The following ABCC1 variants were observed in gnomAD, a reference collection of about 807,000 sequenced individuals.
ABCC1 encodes multidrug resistance-associated protein 1.
ABCC1 carries 83 observed loss-of-function variants against 172.9 expected under a neutral mutation model. The observed-to-expected ratio is 0.48, with a 90% confidence interval of 0.40 to 0.58. The LOEUF is 0.58. ABCC1 is among the 20% of genes least tolerant of loss of function. The probability of loss-of-function intolerance (pLI) is 0.00; values close to 1 mark genes in which losing one functional copy is unlikely to be tolerated. For synonymous variants in ABCC1, 937 were observed against 825.2 expected (o/e 1.14, Z -2.32); for missense variants, 1,817 against 2,002.7 (o/e 0.91, Z 1.77).
At chr16:16,053,330 G>C (rs2049509443) in intron 11 of ABCC1, among the ~76,000 whole-genome samples, 1 of 152,002 alleles carries the variant, frequency 6.6e-6, no homozygotes, top group East Asian at 1.9e-4. Flanking sequence ...TGTTGCCCAG[G>C]CTGGTCTCAA....
Position 16,134,532 on chromosome 16 carries a change from G to A in ABCC1, c.4125+24G>A, listed in dbSNP as rs771981435. The A allele has an allele frequency of 3.1e-6, 5 of 1,613,406 alleles. No homozygotes were observed. In the Admixed American group the frequency reaches 8.3e-5, roughly 27 times the overall value. ...AGGTGGGGTCTGGGTGTGGCCCAGG[G>A]GGTGAGCCAGAGCTGGCAAGCCCTA... is the stretch of plus-strand genomic sequence containing the variant. On this transcript the variant is annotated intron_variant, in intron 28 of 30. Transcript: ENST00000399410.
rs45485692 is a variant in ABCC1 at position 16,123,106 on chromosome 16, G to A, written c.3590+932G>A. On this transcript the variant is annotated intron_variant, in intron 24 of 30. Transcript: ENST00000399410. ...GTCTTACACACTCTAATCCCATAGC[G>A]TAAGTCTGGGTGGGCTAACCCTGAA... is the stretch of plus-strand genomic sequence containing the variant. 4.9e-3 allele frequency among the ~76,000 whole-genome samples: 751 copies of A among 152,190 alleles called. 10 individuals are homozygous for A. Among genetic ancestry groups the A allele is most frequent in the African/African-American group, 0.017 (721 of 41,522 alleles).
intron 12 of ABCC1, among the ~76,000 whole-genome samples, chr16:16,067,948 C>T (rs1408982574): frequency 2.0e-5 from 3 of 152,154 alleles, no homozygotes; most frequent in South Asian, 2.1e-4. Context: ...GGCTCCCGGT[C>T]GTTGATTTAT....
intron 10 of ABCC1, among the ~76,000 whole-genome samples, chr16:16,051,529 G>A (rs1054148119): frequency 2.6e-5 from 4 of 152,098 alleles, no homozygotes; most frequent in African/African-American, 4.8e-5. Context: ...CACATGGGGC[G>A]GTGTTCAAGA....
chr16:15,952,551 A>G (rs938576562), intron 1 of ABCC1, among the ~76,000 whole-genome samples: 3 of 151,952 alleles, frequency 2.0e-5, no homozygotes, highest in Admixed American at 1.3e-4. Flanking sequence ...TGGGAAGAGA[A>G]AAGGAGAACT....
chr16:16,038,514 T>G (rs888708446), intron 7 of ABCC1, among the ~76,000 whole-genome samples: 1 of 152,160 alleles, frequency 6.6e-6, no homozygotes, highest in African/African-American at 2.4e-5. Flanking sequence ...CTCTGACTTT[T>G]TGTTGTGTCC....
At chr16:16,065,402 A>G (rs2050073758) in intron 12 of ABCC1, among the ~76,000 whole-genome samples, 2 of 152,114 alleles carry the variant, frequency 1.3e-5, no homozygotes, top group African/African-American at 4.8e-5. Context: ...CTAGGACTAC[A>G]GGTGCATGCC....
intron 10 of ABCC1, 72 bp from the exon 11 acceptor site, chr16:16,052,652 A>G (rs2151904343): frequency 6.8e-7 from 1 of 1,469,914 alleles, no homozygotes; most frequent in Non-Finnish European, 9.5e-7. Flanking sequence ...GGATGGATCA[A>G]CCGGGGAAGC....
rs35224183 is a variant in ABCC1 at position 16,141,122 on chromosome 16, G to C, written c.4488-51G>C. The stretch of plus-strand genomic sequence containing the variant: ...CCCAGGTCAGTTGTCCCAGGGGCAC[G>C]AGGTGCTCACCCCTCCCCTTCCCCT... On this transcript the variant is annotated intron_variant, in intron 30 of 30. Coordinates refer to ENST00000399410, the MANE Select transcript of ABCC1 (RefSeq NM_004996.4). 2,022 of 1,551,358 alleles carry C rather than the reference G, an allele frequency of 1.3e-3. 22 individuals are homozygous for C. In the South Asian group the frequency reaches 0.013, roughly 10 times the overall value.
intron 26 of ABCC1, among the ~76,000 whole-genome samples, chr16:16,129,952 C>T (rs1412068309): frequency 2.0e-5 from 3 of 152,244 alleles, no homozygotes; most frequent in East Asian, 3.8e-4. Context: ...ATGTGCTCTG[C>T]AGCCTGGTTC....
At chr16:16,118,953 G>A (rs1488725692) in intron 23 of ABCC1, among the ~76,000 whole-genome samples, 2 of 147,600 alleles carry the variant, frequency 1.4e-5, no homozygotes, top group African/African-American at 2.5e-5. Flanking sequence ...ATTCATAATC[G>A]CCCAAACTGG....
intron 1 of ABCC1, among the ~76,000 whole-genome samples, chr16:16,004,122 A>G (rs2047429207): frequency 6.6e-6 from 1 of 151,936 alleles, no homozygotes; most frequent in African/African-American, 2.4e-5. Context: ...TATGATAGGG[A>G]GGACTGGCTG....
chr16:16,051,762 A>G (rs1292025567), intron 10 of ABCC1, among the ~76,000 whole-genome samples: 1 of 152,054 alleles, frequency 6.6e-6, no homozygotes, highest in Non-Finnish European at 1.5e-5. Context: ...CATAAACCAT[A>G]TTGTTTGTAC....
Position 16,142,482 on chromosome 16 carries a change from T to G in ABCC1, c.*1201T>G, listed in dbSNP as rs913701923. The G allele has an allele frequency of 8.5e-5, 13 of 152,222 alleles. No individual in the cohort carries two copies. The highest frequency in any genetic ancestry group is 7.9e-4 in the Admixed American group (12 of 15,282). 9.4% of individuals were successfully genotyped at this position (152,222 alleles called of 1,614,324 possible). ...TGAGTCTTTTCCTTGTTTTTAGATGTTAATTCTCTCCCTTGGCATCCGGTT... is the reference window on the plus strand; with the variant it reads ...TGAGTCTTTTCCTTGTTTTTAGATGGTAATTCTCTCCCTTGGCATCCGGTT... On this transcript the variant is annotated 3_prime_UTR_variant, in exon 31 of 31. Coordinates refer to ENST00000399410, the MANE Select transcript of ABCC1 (RefSeq NM_004996.4).
intron 1 of ABCC1, among the ~76,000 whole-genome samples, chr16:15,991,816 C>T (rs1480860688): frequency 2.0e-5 from 3 of 152,108 alleles, no homozygotes; most frequent in Admixed American, 6.5e-5. Flanking sequence ...TCACCCCTTT[C>T]GTTGCCTTGA....
chr16:16,048,121 T>G (rs1162677559), intron 9 of ABCC1, 21 bp from the exon 10 acceptor site: 2 of 1,613,564 alleles, frequency 1.2e-6, no homozygotes, highest in Non-Finnish European at 1.7e-6. Flanking sequence ...TCACCCACCT[T>G]CCCTCTCCTT....
Position 16,114,764 on chromosome 16 carries a change from AG to A in ABCC1, c.3081del. On this transcript the variant is annotated splice_acceptor_variant, in intron 22 of 30. Transcript: ENST00000399410. LOFTEE classifies it high-confidence loss of function. ...TGGAGTTTTAACTCCGAGTGTCTGCAGGGATCGCCGTGTTTGGCTACTCCAT... is the reference window on the plus strand; with the variant it reads ...TGGAGTTTTAACTCCGAGTGTCTGCAGGATCGCCGTGTTTGGCTACTCCAT... 1 of 1,589,322 alleles carries A rather than the reference AG, an allele frequency of 6.3e-7. No individual in the cohort carries two copies. The highest frequency in any genetic ancestry group is 8.6e-7 in the Non-Finnish European group (1 of 1,162,076).
intron 1 of ABCC1, among the ~76,000 whole-genome samples, chr16:15,992,084 C>T (rs1049146264): frequency 4.6e-5 from 7 of 152,046 alleles, no homozygotes; most frequent in Non-Finnish European, 8.8e-5. Context: ...ATTAGATTCT[C>T]ATAGGAGCGC....
chr16:16,037,670 G>C (rs1464033396), intron 7 of ABCC1, among the ~76,000 whole-genome samples: 1 of 152,192 alleles, frequency 6.6e-6, no homozygotes, highest in Non-Finnish European at 1.5e-5. Flanking sequence ...GGTGGGGCCA[G>C]TGTGGTGCAT....
Sources: allele counts gnomAD v4.1 joint callset (sites outside exome capture counted in the v4.1 genomes callset), GRCh38; gene constraint gnomAD v4.1.1; transcripts MANE v1.5; gene names NCBI Gene and HGNC (gene_info 2026-07-23, HGNC 2026-07-21).